DRC11: variants seen among roughly 807,000 people sequenced by gnomAD.
DRC11 encodes IQ and AAA domain-containing protein 1.
At chr2:236,404,512 G>C in the DRC11 span, among the ~76,000 whole-genome samples, 4 of 152,118 alleles carry the variant, frequency 2.6e-5, no homozygotes, top group Non-Finnish European at 2.9e-5. Context: ...GCCATCTTCT[G>C]TGGACTGTTC....
At chr2:236,493,865 G>T in the DRC11 span, 1 of 1,602,892 alleles carries the variant, frequency 6.2e-7, no homozygotes, top group South Asian at 1.1e-5. Flanking sequence ...AAAATACTTG[G>T]GTATGGGAAT....
At chr2:236,358,018 G>A in the DRC11 span, among the ~76,000 whole-genome samples, 4 of 104,500 alleles carry the variant, frequency 3.8e-5, no homozygotes, top group South Asian at 3.0e-4. Context: ...ATAATATATA[G>A]ATATAATATG....
chr2:236,393,643 A>G, the DRC11 span, among the ~76,000 whole-genome samples: 1 of 152,204 alleles, frequency 6.6e-6, no homozygotes, highest in Non-Finnish European at 1.5e-5. The surrounding 1 kb of genome is among the most constrained non-coding windows in gnomAD (Gnocchi z 4.7). Context: ...AGGAACTGGC[A>G]AAAGGGATGG....
At chr2:236,343,764 C>T in the DRC11 span, 1 of 1,302,998 alleles carries the variant, frequency 7.7e-7, no homozygotes, top group Non-Finnish European at 1.0e-6. The surrounding 1 kb of genome is among the most constrained non-coding windows in gnomAD (Gnocchi z 6.6). Flanking sequence ...AGGGAGTGAA[C>T]TACAAGAGTC....
At chr2:236,401,237 C>A in the DRC11 span, among the ~76,000 whole-genome samples, 18 of 152,272 alleles carry the variant, frequency 1.2e-4, no homozygotes, top group East Asian at 3.5e-3. The surrounding 1 kb of genome is among the most constrained non-coding windows in gnomAD (Gnocchi z 4.6). Flanking sequence ...GACAAGGCCA[C>A]CCTCCCTGCA....
the DRC11 span, among the ~76,000 whole-genome samples, chr2:236,319,743 A>C: frequency 6.6e-6 from 1 of 152,210 alleles, no homozygotes; most frequent in Non-Finnish European, 1.5e-5. The surrounding 1 kb of genome is among the most constrained non-coding windows in gnomAD (Gnocchi z 6.7). Flanking sequence ...GGGTGATTAT[A>C]TAGGCGCTAG....
the DRC11 span, among the ~76,000 whole-genome samples, chr2:236,388,561 T>G: frequency 8.6e-4 from 129 of 149,416 alleles, no homozygotes; most frequent in African/African-American, 2.9e-3. Flanking sequence ...TTATACATTC[T>G]TCTAAATTTT....
the DRC11 span, among the ~76,000 whole-genome samples, chr2:236,311,693 GGTGCGTGTGTGT>G: frequency 7.3e-6 from 1 of 136,376 alleles, no homozygotes; most frequent in African/African-American, 3.2e-5. The surrounding 1 kb of genome is among the most constrained non-coding windows in gnomAD (Gnocchi z 6.9). Context: ...AGCTGGATGG[GGTGCGTGTGTGT>G]GTGTGTGTGT....
At chr2:236,445,698 T>C in the DRC11 span, among the ~76,000 whole-genome samples, 7 of 152,002 alleles carry the variant, frequency 4.6e-5, no homozygotes, top group Non-Finnish European at 8.8e-5. This position sits in a 1 kb window ranked among gnomAD's most constrained non-coding sequence, Gnocchi z 4.8. Flanking sequence ...ATATAATTAG[T>C]CATAATCTGA....
chr2:236,475,216 G>A, the DRC11 span, among the ~76,000 whole-genome samples: 1 of 152,090 alleles, frequency 6.6e-6, no homozygotes, highest in African/African-American at 2.4e-5. This position sits in a 1 kb window ranked among gnomAD's most constrained non-coding sequence, Gnocchi z 4.8. Flanking sequence ...ACGTACAAGT[G>A]AGAATATGTG....
At chr2:236,331,577 C>T in the DRC11 span, 1 of 1,613,432 alleles carries the variant, frequency 6.2e-7, no homozygotes, top group Non-Finnish European at 8.5e-7. This position sits in a 1 kb window ranked among gnomAD's most constrained non-coding sequence, Gnocchi z 4.8. Flanking sequence ...CCATTGCGTT[C>T]AATGATTTGC....
chr2:236,311,786 G>T, the DRC11 span, among the ~76,000 whole-genome samples: 1 of 151,670 alleles, frequency 6.6e-6, no homozygotes, highest in Non-Finnish European at 1.5e-5. The surrounding 1 kb of genome is among the most constrained non-coding windows in gnomAD (Gnocchi z 6.9). Context: ...ACAAGCTCAT[G>T]CCTGGACATG....
chr2:236,506,142 A>G, the DRC11 span, among the ~76,000 whole-genome samples: 1 of 152,100 alleles, frequency 6.6e-6, no homozygotes, highest in Non-Finnish European at 1.5e-5. This position sits in a 1 kb window ranked among gnomAD's most constrained non-coding sequence, Gnocchi z 4.9. Flanking sequence ...TTCTCCTGGA[A>G]ACACTATTAT....
chr2:236,355,749 C>CTCTGTGTG, the DRC11 span, among the ~76,000 whole-genome samples: 26 of 107,964 alleles, frequency 2.4e-4, no homozygotes, highest in African/African-American at 5.8e-4. Context: ...CTCTCTCTCT[C>CTCTGTGTG]TGTGTGTGTG....
At chr2:236,498,682 G>A in the DRC11 span, among the ~76,000 whole-genome samples, 8 of 152,276 alleles carry the variant, frequency 5.3e-5, no homozygotes, top group Non-Finnish European at 1.2e-4. Flanking sequence ...TAAGGTGGTG[G>A]TGGCTCTGCT....
At chr2:236,425,247 T>A in the DRC11 span, among the ~76,000 whole-genome samples, 1 of 152,044 alleles carries the variant, frequency 6.6e-6, no homozygotes, top group South Asian at 2.1e-4. Context: ...CTGTTTTCCA[T>A]AATGGCTGTG....
chr2:236,507,300 CG>C, the DRC11 span: 2 of 1,613,760 alleles, frequency 1.2e-6, no homozygotes, highest in Non-Finnish European at 1.7e-6. Context: ...CCTCGCCCTC[CG>C]GGAAGCTCTT....
chr2:236,442,950 G>T, the DRC11 span, among the ~76,000 whole-genome samples: 5 of 152,306 alleles, frequency 3.3e-5, no homozygotes, highest in African/African-American at 1.2e-4. Context: ...TCAAGGGAAA[G>T]ATGATGTTCC....
the DRC11 span, chr2:236,331,804 C>T: frequency 1.8e-6 from 1 of 566,108 alleles, no homozygotes; most frequent in Non-Finnish European, 3.2e-6. The surrounding 1 kb of genome is among the most constrained non-coding windows in gnomAD (Gnocchi z 4.8). Flanking sequence ...ATATCAATGA[C>T]CCTGAGGTCT....
Sources: gnomAD v4.1 joint callset for allele counts (sites outside exome capture counted in the v4.1 genomes callset) on GRCh38, gnomAD v4.1.1 for gene constraint, Gnocchi (gnomAD v3.1) non-coding constraint, MANE v1.5 for transcripts, NCBI Gene and HGNC (gene_info 2026-07-23, HGNC 2026-07-21) for gene names.